ACTR3C: variants seen among roughly 807,000 people sequenced by gnomAD.
ACTR3C encodes actin related protein 3C.
ACTR3C carries 18 observed loss-of-function variants against 26.3 expected under a neutral mutation model. The observed-to-expected ratio is 0.68, with a 90% CI of 0.47 to 1.01. ACTR3C has a LOEUF of 1.01. ACTR3C is among the 50% of genes least tolerant of loss of function. The pLI is 0.00. For synonymous variants in ACTR3C, 55 were observed against 94.5 expected (o/e 0.58, Z 2.42); for missense variants, 184 against 250.7 (o/e 0.73, Z 1.80).
chr7:149,902,849 G>T, the ACTR3C span, among the ~76,000 whole-genome samples: 1 of 89,092 alleles, frequency 1.1e-5, no homozygotes. Context: ...GGAGGCTGAG[G>T]TGGGAGGATC....
the ACTR3C span, among the ~76,000 whole-genome samples, chr7:150,015,328 A>G: frequency 2.0e-5 from 3 of 152,180 alleles, no homozygotes; most frequent in African/African-American, 7.2e-5. Flanking sequence ...TTGCAGAGAA[A>G]GGTCACTCAA....
chr7:149,965,016 T>C, the ACTR3C span, among the ~76,000 whole-genome samples: 1 of 152,122 alleles, frequency 6.6e-6, no homozygotes, highest in Non-Finnish European at 1.5e-5. Context: ...TATGTAAGAG[T>C]GTAAAAATGA....
chr7:150,298,359 A>G (rs1795122496), intron 1 of ACTR3C, among the ~76,000 whole-genome samples: 1 of 150,416 alleles, frequency 6.6e-6, no homozygotes, highest in South Asian at 2.2e-4. Flanking sequence ...AACATGAAGC[A>G]TAACATTTTA....
At chr7:150,022,039 T>C in the ACTR3C span, among the ~76,000 whole-genome samples, 2 of 151,812 alleles carry the variant, frequency 1.3e-5, no homozygotes, top group African/African-American at 4.9e-5. Context: ...TTAAGGAATC[T>C]CCACACTGTT....
chr7:150,070,711 A>G, the ACTR3C span, among the ~76,000 whole-genome samples: 1 of 152,084 alleles, frequency 6.6e-6, no homozygotes, highest in Non-Finnish European at 1.5e-5. Flanking sequence ...TCAGCCTCCC[A>G]AAGTGCTGGG....
chr7:150,290,522 G>A (rs1480769962), intron 3 of ACTR3C, among the ~76,000 whole-genome samples: 1 of 152,076 alleles, frequency 6.6e-6, no homozygotes, highest in African/African-American at 2.4e-5. Flanking sequence ...GCACATCACA[G>A]CTTCTGTGCC....
At chr7:150,293,971 G>A (rs10268956) in intron 2 of ACTR3C, among the ~76,000 whole-genome samples, 33,697 of 151,984 alleles carry the variant, frequency 0.22, 5,764 homozygotes, top group African/African-American at 0.47. Flanking sequence ...AAAAAACTAA[G>A]GTTTTACAAA....
At chr7:150,121,427 A>G in the ACTR3C span, among the ~76,000 whole-genome samples, 4 of 150,680 alleles carry the variant, frequency 2.7e-5, no homozygotes, top group Non-Finnish European at 5.9e-5. Context: ...AAGCATTCCT[A>G]TACACCAATA....
the ACTR3C span, among the ~76,000 whole-genome samples, chr7:150,200,998 T>G: frequency 6.6e-6 from 1 of 152,246 alleles, no homozygotes; most frequent in Admixed American, 6.5e-5. Flanking sequence ...TTTTAAACTC[T>G]ATCTTCATAT....
the ACTR3C span, among the ~76,000 whole-genome samples, chr7:150,040,272 G>A: frequency 6.8e-6 from 1 of 147,674 alleles, no homozygotes; most frequent in East Asian, 2.0e-4. Context: ...TAGGCTACCG[G>A]CCTCAGCCAG....
chr7:150,041,859 C>T, the ACTR3C span, among the ~76,000 whole-genome samples: 6 of 143,622 alleles, frequency 4.2e-5, no homozygotes, highest in African/African-American at 1.3e-4. Context: ...GCTCTCAGTC[C>T]CCACTCTCGT....
chr7:149,939,143 G>A, the ACTR3C span, among the ~76,000 whole-genome samples: 1 of 151,948 alleles, frequency 6.6e-6, no homozygotes, highest in Non-Finnish European at 1.5e-5. Context: ...ACCACGCCCA[G>A]CTAATTTTGC....
the ACTR3C span, among the ~76,000 whole-genome samples, chr7:150,078,151 T>C: frequency 1.3e-5 from 2 of 152,196 alleles, no homozygotes; most frequent in Non-Finnish European, 2.9e-5. Context: ...CACTAGGATG[T>C]TTTTCCTGGC....
In ACTR3C at chr7:150,250,202, CT is replaced by C. The variant is rs1192764981; in HGVS notation, c.565-1149del. On this transcript the variant is annotated intron_variant, in intron 6 of 7. Coordinates refer to ENST00000683684, the MANE Select transcript of ACTR3C (RefSeq NM_001164458.2). ...ATGAGCAAGAAATGACAGAATCTGA[CT>C]TTTTTTTTTTTTTTTTTTGAGACGG... Among the ~76,000 whole-genome samples the C allele has an allele frequency of 3.8e-3, 473 of 125,488 alleles. 5 individuals are homozygous for C. The highest frequency in any genetic ancestry group is 5.0e-3 in the Admixed American group (65 of 13,016). The allele number at this position is 125,488 out of a possible 152,430, so 82.3% of individuals were successfully genotyped here.
At chr7:149,882,536 G>A in the ACTR3C span, among the ~76,000 whole-genome samples, 3 of 152,164 alleles carry the variant, frequency 2.0e-5, no homozygotes, top group Non-Finnish European at 4.4e-5. Flanking sequence ...AGAGAGGAGA[G>A]GGTCCCAGAG....
At chr7:150,234,359 C>A in the ACTR3C span, among the ~76,000 whole-genome samples, 1 of 152,154 alleles carries the variant, frequency 6.6e-6, no homozygotes, top group South Asian at 2.1e-4. Context: ...AAGGTTTTAT[C>A]CCTCACTGGA....
At chr7:150,087,142 TG>T in the ACTR3C span, among the ~76,000 whole-genome samples, 1 of 119,294 alleles carries the variant, frequency 8.4e-6, no homozygotes, top group Non-Finnish European at 1.9e-5. Flanking sequence ...GGTTGTATGT[TG>T]TTTTTTTTTA....
chr7:150,280,731 C>T (rs1411293185), intron 6 of ACTR3C, among the ~76,000 whole-genome samples: 1 of 151,874 alleles, frequency 6.6e-6, no homozygotes, highest in East Asian at 1.9e-4. Flanking sequence ...AAGCATTCCA[C>T]GATGTACATA....
the ACTR3C span, among the ~76,000 whole-genome samples, chr7:149,961,590 G>T: frequency 6.6e-6 from 1 of 151,702 alleles, no homozygotes; most frequent in Non-Finnish European, 1.5e-5. Flanking sequence ...TAGATAAGAA[G>T]TGTGTGCTCA....
Sources: allele counts gnomAD v4.1 joint callset (sites outside exome capture counted in the v4.1 genomes callset), GRCh38; gene constraint gnomAD v4.1.1; transcripts MANE v1.5; gene names NCBI Gene and HGNC (gene_info 2026-07-23, HGNC 2026-07-21).